Variants in POLE2 observed in about 807,000 individuals in gnomAD.
POLE2 encodes the protein DNA polymerase epsilon subunit 2.
In POLE2, 56 loss-of-function variants were observed where a neutral mutation model predicts 79.4. That is an observed-to-expected ratio of 0.71 (90% confidence interval 0.57 to 0.88). The LOEUF (loss-of-function observed/expected upper bound fraction) is 0.88. Ranked by LOEUF, POLE2 falls within the 40% of genes least tolerant of loss-of-function variation. The pLI, the probability that POLE2 is intolerant of heterozygous loss-of-function variation, is 0.00. For missense variants in POLE2, 598 were observed against 638.9 expected, an observed-to-expected ratio of 0.94 and a Z score of 0.69; for synonymous variants, 212 against 214.0, an observed-to-expected ratio of 0.99 and a Z score of 0.08.
chr14:49,653,985 C>A lies in POLE2; in HGVS notation c.1211+5G>T. On this transcript the variant is annotated splice_donor_5th_base_variant and intron_variant, in intron 15 of 18. Coordinates refer to ENST00000216367, the MANE Select transcript of POLE2 (RefSeq NM_002692.4). ...AAATGTATAACACAAAATACTAATT[C>A]TTACCTGCAAGGATTAGTAGTAAAA... 6.7e-7 allele frequency: 1 copy of A among 1,494,528 alleles called. No homozygotes were observed. The highest frequency in any genetic ancestry group is 1.1e-5 in the South Asian group (1 of 87,338). 92.6% of individuals were successfully genotyped at this position (1,494,528 alleles called of 1,614,324 possible). A position where few individuals can be genotyped will look rare whatever the true frequency, so the allele number is the denominator to read the frequency against.
chr14:49,670,249 G>A (rs989225245), intron 5 of POLE2, among the ~76,000 whole-genome samples: 1 of 144,828 alleles, frequency 6.9e-6, no homozygotes, highest in Non-Finnish European at 1.5e-5. Flanking sequence ...CCAGGAGGCA[G>A]AGGTTGCAGT....
chr14:49,669,213 A>G (rs2139659558), intron 6 of POLE2, among the ~76,000 whole-genome samples: 1 of 152,286 alleles, frequency 6.6e-6, no homozygotes, highest in East Asian at 1.9e-4. Context: ...GCAAGAAAAG[A>G]AATGTTGAAA....
chr14:49,665,759 G>A (rs1324826152), intron 7 of POLE2, among the ~76,000 whole-genome samples: 1 of 146,510 alleles, frequency 6.8e-6, no homozygotes, highest in African/African-American at 2.5e-5. Flanking sequence ...TAATTTTTAC[G>A]TCATTGTAAA....
chr14:49,646,967 A>G (rs992290312), intron 18 of POLE2: 2 of 189,140 alleles, frequency 1.1e-5, no homozygotes, highest in Non-Finnish European at 2.2e-5. Context: ...GTACCTAAGA[A>G]GCAACCATAC....
At chr14:49,646,112 G>T (rs901756770) in intron 18 of POLE2, among the ~76,000 whole-genome samples, 4 of 152,090 alleles carry the variant, frequency 2.6e-5, no homozygotes, top group South Asian at 2.1e-4. Context: ...AAGAGCCACA[G>T]CGTCTGGCCT....
rs113936309 is a variant in POLE2, at chr14:49,678,953, G to A, written c.245+772C>T. On this transcript the variant is annotated intron_variant, in intron 3 of 18. Transcript: ENST00000216367. ...ATTACAGGCATAAGCCACTGCATCT[G>A]GTCACACTATAGTATTTTAAATGAG... Among the ~76,000 whole-genome samples, 667 of 152,170 alleles carry A rather than the reference G, an allele frequency of 4.4e-3. 3 individuals are homozygous for A. Among genetic ancestry groups the A allele is most frequent in the African/African-American group, 0.015 (638 of 41,516 alleles).
intron 5 of POLE2, 108 bp from the exon 6 acceptor site, chr14:49,669,706 A>C: frequency 1.6e-6 from 1 of 617,126 alleles, no homozygotes. Context: ...TGTCACTATT[A>C]CTTATTCTCC....
At chr14:49,663,516 C>A in intron 9 of POLE2, 129 bp from the exon 10 acceptor site, 1 of 461,952 alleles carries the variant, frequency 2.2e-6, no homozygotes. Flanking sequence ...GGTTGCCAAC[C>A]TCAATGAACC....
At position 49,655,082 on chromosome 14, in the gene POLE2, G is replaced by A; in HGVS notation, c.941C>T (p.Ala314Val). The A allele has an allele frequency of 6.5e-7, 1 of 1,531,736 alleles. No homozygotes were observed. Among genetic ancestry groups the A allele is most frequent in the Non-Finnish European group, 8.8e-7 (1 of 1,131,902 alleles). The allele number at this position is 1,531,736 out of a possible 1,614,324, so 94.9% of individuals were successfully genotyped here. A position where few individuals can be genotyped will look rare whatever the true frequency, so the allele number is the denominator to read the frequency against. Reference protein sequence around the residue: ...LRIMFAGYSPAPPTCFILCGN... With the variant: ...LRIMFAGYSPVPPTCFILCGN... ...ACACAGAATAAAGCAGGTTGGAGGT[G>A]CTGGTGAATAACCTAAACAATAAAA... Residue 314 changes from alanine (A) to valine (V), a missense_variant, in exon 12 of 19, where the codon GCA becomes GTA. Transcript: ENST00000216367.
intron 3 of POLE2, among the ~76,000 whole-genome samples, chr14:49,675,366 G>A (rs1721985034): frequency 6.6e-6 from 1 of 152,120 alleles, no homozygotes; most frequent in Admixed American, 6.6e-5. Flanking sequence ...TTACAGGCAT[G>A]AGCCACTGCG....
At chr14:49,680,215 T>A (rs980127268) in intron 2 of POLE2, among the ~76,000 whole-genome samples, 1 of 152,040 alleles carries the variant, frequency 6.6e-6, no homozygotes, top group African/African-American at 2.4e-5. Flanking sequence ...CTGGGGGTGG[T>A]GGCACATGCC....
intron 10 of POLE2, among the ~76,000 whole-genome samples, chr14:49,662,983 T>A (rs1192989568): frequency 2.0e-5 from 3 of 152,224 alleles, no homozygotes; most frequent in Admixed American, 2.0e-4. Flanking sequence ...AATGAGAATT[T>A]TATATTAACA....
Position 49,674,425 on chromosome 14 carries a change from T to C in POLE2, c.248A>G (p.Glu83Gly). ...ECSQSVDETI[E>G]HVFNIIGAFD... ...TGCTCCTATGATATTGAAAACGTGC[T>C]CTCTGAAAAACATCCCACAAAATAC... is the stretch of plus-strand genomic sequence containing the variant. The change falls in exon 4 of 19, where the codon GAG becomes GGG. Residue 83 changes from glutamate to glycine, a missense_variant and splice_region_variant. By Grantham distance (98) the Glu-to-Gly change is moderately conservative (BLOSUM62 -2). Transcript: ENST00000216367. 1 of 1,601,818 alleles carries C rather than the reference T, an allele frequency of 6.2e-7. No homozygotes were observed. Among genetic ancestry groups the C allele is most frequent in the Non-Finnish European group, 8.5e-7 (1 of 1,170,290 alleles).
chr14:49,650,621 T>C (rs1053994642), intron 16 of POLE2, among the ~76,000 whole-genome samples, 180 bp from the exon 17 acceptor site: 1 of 152,250 alleles, frequency 6.6e-6, no homozygotes, highest in African/African-American at 2.4e-5. Context: ...TAAACTATTC[T>C]GTATTTTAGG....
intron 5 of POLE2, among the ~76,000 whole-genome samples, chr14:49,671,154 GACTTCAAA>G (rs1228555625): frequency 6.6e-6 from 1 of 152,142 alleles, no homozygotes; most frequent in Non-Finnish European, 1.5e-5. Flanking sequence ...TAACAGAGTA[GACTTCAAA>G]ACATACTTAA....
In POLE2 at chr14:49,688,192, C is replaced by T; in HGVS notation, c.12G>A (p.Glu4=). 1 of 1,533,838 alleles carries T rather than the reference C, an allele frequency of 6.5e-7. No homozygotes were observed. The highest frequency in any genetic ancestry group is 8.8e-7 in the Non-Finnish European group (1 of 1,141,986). Residue 4 remains glutamate (E), a synonymous_variant, in exon 1 of 19, where the codon GAG becomes GAA. Coordinates refer to ENST00000216367, the MANE Select transcript of POLE2 (RefSeq NM_002692.4). Reference sequence around the variant, plus strand: ...CGGAGAGCGCCCGGCTCCGCAGCCGCTCCGGCGCCATATTTGCGATTTGGC... The same window carrying T: ...CGGAGAGCGCCCGGCTCCGCAGCCGTTCCGGCGCCATATTTGCGATTTGGC... MAP[E]RLRSRALSAF...
At chr14:49,664,133 G>C (rs962335703) in intron 9 of POLE2, among the ~76,000 whole-genome samples, 12 of 151,970 alleles carry the variant, frequency 7.9e-5, no homozygotes, top group Non-Finnish European at 1.5e-4. Context: ...TGGACTGCCT[G>C]AGCTCAGGAG....
At chr14:49,668,952 C>G (rs1885682342) in intron 6 of POLE2, among the ~76,000 whole-genome samples, 2 of 152,302 alleles carry the variant, frequency 1.3e-5, no homozygotes, top group South Asian at 4.2e-4. Flanking sequence ...AGGTGCACAA[C>G]ATCACGCCTG....
At chr14:49,686,180 G>T (rs1289718898) in intron 1 of POLE2, among the ~76,000 whole-genome samples, 1 of 152,072 alleles carries the variant, frequency 6.6e-6, no homozygotes, top group East Asian at 1.9e-4. Context: ...AGTGTGGGCT[G>T]GACCTAGTAA....
Sources: allele counts gnomAD v4.1 joint callset (sites outside exome capture counted in the v4.1 genomes callset), GRCh38; gene constraint gnomAD v4.1.1; transcripts MANE v1.5; gene names NCBI Gene and HGNC (gene_info 2026-07-23, HGNC 2026-07-21).